EMCN: variants seen among roughly 807,000 people sequenced by gnomAD.
EMCN encodes endomucin.
In EMCN, 37 loss-of-function variants were observed where a neutral mutation model predicts 38.4. The observed-to-expected ratio is 0.96, with a 90% CI of 0.74 to 1.27. The LOEUF (loss-of-function observed/expected upper bound fraction) is 1.27, where lower values mean the gene tolerates loss of function less well. Among genes scored for constraint, EMCN ranks in the 50% most tolerant of loss-of-function variants. The probability of loss-of-function intolerance (pLI) is 0.00; values close to 1 mark genes in which losing one functional copy is unlikely to be tolerated. For synonymous variants in EMCN, 95 were observed against 100.8 expected (o/e 0.94, Z 0.35); for missense variants, 318 against 302.8 (o/e 1.05, Z -0.37).
In EMCN at chr4:100,473,365, G is replaced by GTTTTTTTTTTTTTTTTTTTTTTTTTTTTT; in HGVS notation, c.259+1672_259+1673insAAAAAAAAAAAAAAAAAAAAAAAAAAAAA. Among the ~76,000 whole-genome samples the GTTTTTTTTTTTTTTTTTTTTTTTTTTTTT allele has an allele frequency of 4.4e-4, 13 of 29,876 alleles. 3 individuals carry two copies. The highest frequency in any genetic ancestry group is 8.4e-4 in the Non-Finnish European group (10 of 11,966). The allele number at this position is 29,876 out of a possible 152,430, so 19.6% of individuals were successfully genotyped here. A position where few individuals can be genotyped will look rare whatever the true frequency, so the allele number is the denominator to read the frequency against. On this transcript the variant is annotated intron_variant, in intron 3 of 11. Coordinates refer to ENST00000296420, the MANE Select transcript of EMCN (RefSeq NM_016242.4). ...TTCTAATGGGCATTTCCCGTTTCGT[G>GTTTTTTTTTTTTTTTTTTTTTTTTTTTTT]TTTTTTTGTTTTTTTTTTTTGTTTT...
chr4:100,452,714 T>C (rs1432896915), intron 4 of EMCN, among the ~76,000 whole-genome samples: 1 of 152,038 alleles, frequency 6.6e-6, no homozygotes, highest in Non-Finnish European at 1.5e-5. Context: ...TTCTTTCCTT[T>C]CTCTTCTATC....
rs73833359 is a variant in EMCN at position 100,510,787 on chromosome 4, A to G, written c.64+7064T>C. On this transcript the variant is annotated intron_variant, in intron 1 of 11. Coordinates refer to ENST00000296420, the MANE Select transcript of EMCN (RefSeq NM_016242.4). ...ACTCAGACAATCTGTCTCCAGAAGC[A>G]TTATAAACGTGACACCAAGTGATTA... is the stretch of plus-strand genomic sequence containing the variant. 3.9e-3 allele frequency among the ~76,000 whole-genome samples: 589 copies of G among 152,314 alleles called. 5 individuals carry two copies. The highest frequency in any genetic ancestry group is 0.013 in the African/African-American group (527 of 41,578).
chr4:100,478,697 T>C (rs753783062), intron 2 of EMCN, among the ~76,000 whole-genome samples: 1 of 152,166 alleles, frequency 6.6e-6, no homozygotes, highest in Non-Finnish European at 1.5e-5. Flanking sequence ...ATTTTTATAA[T>C]AAAAATTGAT....
At chr4:100,493,289 CTTA>C (rs769331481) in intron 1 of EMCN, among the ~76,000 whole-genome samples, 25 of 152,284 alleles carry the variant, frequency 1.6e-4, no homozygotes, top group Admixed American at 9.8e-4. Context: ...ATAAATTATA[CTTA>C]TTATTCTCTT....
At chr4:100,411,377 A>C (rs1726548222) in intron 10 of EMCN, among the ~76,000 whole-genome samples, 1 of 152,244 alleles carries the variant, frequency 6.6e-6, no homozygotes. Flanking sequence ...AATGAGAAGT[A>C]AATAAAATAA....
At chr4:100,476,441 A>G (rs1355916898) in intron 2 of EMCN, among the ~76,000 whole-genome samples, 1 of 151,938 alleles carries the variant, frequency 6.6e-6, no homozygotes, top group Non-Finnish European at 1.5e-5. Flanking sequence ...GAGCCGCAGC[A>G]CCCGGCCCCT....
intron 2 of EMCN, among the ~76,000 whole-genome samples, chr4:100,476,246 CTTCCTTCCTTTT>C (rs1402399607): frequency 2.3e-5 from 3 of 133,142 alleles, no homozygotes; most frequent in East Asian, 5.0e-4. Flanking sequence ...TCTTTCTTTC[CTTCCTTCCTTTT>C]TTCCTTCCTT....
intron 11 of EMCN, among the ~76,000 whole-genome samples, chr4:100,407,988 A>G (rs1726442314): frequency 6.6e-6 from 1 of 152,112 alleles, no homozygotes; most frequent in African/African-American, 2.4e-5. Context: ...GAGTTCTGAG[A>G]TTCTTTACTT....
At chr4:100,457,203 TGTGTGTGTGTGTGC>T (rs1434939656) in intron 4 of EMCN, among the ~76,000 whole-genome samples, 4 of 99,228 alleles carry the variant, frequency 4.0e-5, no homozygotes, top group Non-Finnish European at 8.0e-5. Context: ...TGTGTGTGTG[TGTGTGTGTGTGTGC>T]GATCATTAGT....
chr4:100,437,548 T>G (rs898555842), intron 5 of EMCN, among the ~76,000 whole-genome samples: 9 of 152,188 alleles, frequency 5.9e-5, no homozygotes, highest in Non-Finnish European at 1.2e-4. Flanking sequence ...GTCTTACCTT[T>G]CAGTCTTTCA....
chr4:100,490,719 A>G (rs1729055605), intron 1 of EMCN, among the ~76,000 whole-genome samples: 1 of 152,178 alleles, frequency 6.6e-6, no homozygotes, highest in Non-Finnish European at 1.5e-5. Flanking sequence ...GCGCTTTATG[A>G]TGTTCACACA....
chr4:100,456,831 T>G (rs1051571335), intron 4 of EMCN, among the ~76,000 whole-genome samples: 1 of 152,162 alleles, frequency 6.6e-6, no homozygotes, highest in East Asian at 1.9e-4. Flanking sequence ...GTGTTCCACA[T>G]ATTTCCATTA....
chr4:100,408,403 T>G (rs1008528963), intron 11 of EMCN, among the ~76,000 whole-genome samples: 3 of 152,212 alleles, frequency 2.0e-5, no homozygotes, highest in Non-Finnish European at 2.9e-5. Context: ...GTTTCATTTC[T>G]GTATGTGTTC....
intron 1 of EMCN, among the ~76,000 whole-genome samples, chr4:100,505,113 C>A (rs1268530151): frequency 6.6e-6 from 1 of 152,192 alleles, no homozygotes; most frequent in South Asian, 2.1e-4. Flanking sequence ...CCCACATGAC[C>A]TTACCTATCA....
At chr4:100,511,731 A>G (rs1317112131) in intron 1 of EMCN, among the ~76,000 whole-genome samples, 1 of 152,192 alleles carries the variant, frequency 6.6e-6, no homozygotes, top group Non-Finnish European at 1.5e-5. Flanking sequence ...TTACTTAGAT[A>G]TACACTACCA....
intron 2 of EMCN, among the ~76,000 whole-genome samples, chr4:100,479,152 TA>T (rs1728740146): frequency 6.6e-6 from 1 of 152,078 alleles, no homozygotes; most frequent in African/African-American, 2.4e-5. Context: ...TAGAAAGAGG[TA>T]AAAAAGACAG....
chr4:100,447,470 G>T, intron 5 of EMCN, 63 bp downstream of exon 5: 1 of 1,164,608 alleles, frequency 8.6e-7, no homozygotes, highest in Non-Finnish European at 1.3e-6. Flanking sequence ...GGTGTAATTT[G>T]TTTTATTCTT....
intron 4 of EMCN, among the ~76,000 whole-genome samples, chr4:100,457,607 A>T (rs1728054924): frequency 6.6e-6 from 1 of 152,112 alleles, no homozygotes. Flanking sequence ...ATATTGATTG[A>T]TTTTCCTATG....
intron 10 of EMCN, 32 bp from the exon 11 acceptor site, chr4:100,410,387 G>A: frequency 6.2e-7 from 1 of 1,603,176 alleles, no homozygotes; most frequent in South Asian, 1.1e-5. Context: ...TGATCTGTAA[G>A]CTCAGAGACT....
Sources: allele counts gnomAD v4.1 joint callset (sites outside exome capture counted in the v4.1 genomes callset), GRCh38; gene constraint gnomAD v4.1.1; transcripts MANE v1.5; gene names NCBI Gene and HGNC (gene_info 2026-07-23, HGNC 2026-07-21).